The following TRPM2 variants were observed in gnomAD, a reference collection of about 807,000 sequenced individuals.
TRPM2 encodes the protein transient receptor potential cation channel subfamily M member 2.
In TRPM2, 161 loss-of-function variants were observed where a neutral mutation model predicts 174.0. The ratio of observed to expected loss-of-function variants is 0.93; its 90% CI spans 0.81 to 1.05. The LOEUF (loss-of-function observed/expected upper bound fraction) is 1.05, where lower values mean the gene tolerates loss of function less well. TRPM2 is among the 50% of genes least tolerant of loss of function. TRPM2 has a pLI of 0.00. For synonymous variants in TRPM2, 954 were observed against 861.3 expected (o/e 1.11, Z -1.88); for missense variants, 2,057 against 2,038.0 (o/e 1.01, Z -0.18).
In TRPM2 at chr21:44,382,752, C is replaced by T. The variant is rs2048918925; in HGVS notation, c.1250C>T (p.Thr417Ile). Residue 417 changes from threonine (T) to isoleucine (I), a missense_variant, in exon 9 of 32, where the codon ACT (threonine) becomes ATT (isoleucine). Thr to Ile is a moderately conservative substitution (Grantham distance 89). Transcript: ENST00000397928. The stretch of plus-strand genomic sequence containing the variant: ...ATCGTCCGGAGGCGGCAGCTGCTGA[C>T]TGTCTTCCGGGAAGGCAAGGATGGT... ...QDIVRRRQLL[T>I]VFREGKDGQQ... 2.5e-6 allele frequency: 4 copies of T among 1,614,108 alleles called. No individual in the cohort carries two copies. Among genetic ancestry groups the T allele is most frequent in the Non-Finnish European group, 3.4e-6 (4 of 1,180,030 alleles).
At chr21:44,378,884 G>A (rs373942614) in intron 7 of TRPM2, 113 bp from the exon 8 acceptor site, 47 of 1,155,910 alleles carry the variant, frequency 4.1e-5, no homozygotes, top group African/African-American at 2.3e-4. Context: ...AGTGGATCTC[G>A]GAGTAGTGTT....
chr21:44,412,362 C>G (rs1183230425), intron 19 of TRPM2, among the ~76,000 whole-genome samples: 1 of 152,114 alleles, frequency 6.6e-6, no homozygotes, highest in Admixed American at 6.6e-5. Context: ...TCATCTAGAT[C>G]ATCTAATTTT....
chr21:44,437,921 G>A (rs1442102375), intron 29 of TRPM2, among the ~76,000 whole-genome samples: 2 of 152,244 alleles, frequency 1.3e-5, no homozygotes, highest in African/African-American at 2.4e-5. Context: ...AGCCTGCCCC[G>A]CAGGGCCTCT....
At chr21:44,398,449 C>G (rs2049503459) in intron 13 of TRPM2, among the ~76,000 whole-genome samples, 1 of 152,140 alleles carries the variant, frequency 6.6e-6, no homozygotes, top group Admixed American at 6.6e-5. Context: ...GATCCGCCCA[C>G]CTCGGCCTCC....
intron 9 of TRPM2, among the ~76,000 whole-genome samples, chr21:44,387,531 G>A (rs1162356109): frequency 6.6e-6 from 1 of 151,926 alleles, no homozygotes; most frequent in Non-Finnish European, 1.5e-5. Context: ...GGAAACAAAA[G>A]AAAAAATAGA....
At chr21:44,440,554 G>T (rs1418523487) in intron 30 of TRPM2, among the ~76,000 whole-genome samples, 1 of 152,232 alleles carries the variant, frequency 6.6e-6, no homozygotes, top group African/African-American at 2.4e-5. Flanking sequence ...ACGTTTCCAA[G>T]GCGTTTCCAA....
Position 44,391,555 on chromosome 21 carries a change from C to T in TRPM2, c.1724C>T (p.Pro575Leu), listed in dbSNP as rs201044998. 65 of 1,597,410 alleles carry T rather than the reference C, an allele frequency of 4.1e-5. No individual in the cohort carries two copies. Among genetic ancestry groups the T allele is most frequent in the Middle Eastern group, 1.7e-4 (1 of 5,926 alleles). The change falls in exon 11 of 32, where the codon CCG (proline) becomes CTG (leucine). Residue 575 changes from proline (P) to leucine (L), a missense_variant. Physicochemically the swap from Pro to Leu is moderately conservative, Grantham distance 98. Transcript: ENST00000397928. The surrounding 1 kb of genome is among the most constrained non-coding windows in gnomAD (Gnocchi z 5.0). ...LRELLGDFTQ[P>L]LYPRPRHNDR... ...GAGCTGCTGGGGGACTTCACGCAGC[C>T]GCTTTATCCCCGGCCCCGGCACAAC...
intron 5 of TRPM2, among the ~76,000 whole-genome samples, chr21:44,371,705 A>G (rs1464941441): frequency 2.0e-5 from 3 of 152,218 alleles, no homozygotes; most frequent in Non-Finnish European, 2.9e-5. Context: ...CCAAACAAGG[A>G]AATGAGGAGC....
At chr21:44,387,145 C>T (rs1463061056) in intron 9 of TRPM2, among the ~76,000 whole-genome samples, 2 of 152,092 alleles carry the variant, frequency 1.3e-5, no homozygotes, top group African/African-American at 4.8e-5. Context: ...GTGATTGCAC[C>T]ACTGCACTCC....
intron 2 of TRPM2, among the ~76,000 whole-genome samples, chr21:44,355,305 G>A (rs1249309545): frequency 2.6e-5 from 4 of 152,130 alleles, no homozygotes; most frequent in South Asian, 2.1e-4. Flanking sequence ...ATGGCCCTCC[G>A]GAGCCGATGG....
At chr21:44,351,136 T>TGCTGG (rs1293119223), upstream of TRPM2, among the ~76,000 whole-genome samples, 3 of 152,140 alleles carry the variant, frequency 2.0e-5, no homozygotes, top group Non-Finnish European at 2.9e-5. Flanking sequence ...CCGGGGAATC[T>TGCTGG]GCTGGGCTGG....
In TRPM2 at chr21:44,438,647, C is replaced by G. The variant is rs895777301; in HGVS notation, c.4168-420C>G. Among the ~76,000 whole-genome samples, 51 of 151,754 alleles carry G rather than the reference C, an allele frequency of 3.4e-4. No individual in the cohort carries two copies. The highest frequency in any genetic ancestry group is 3.3e-3 in the Admixed American group (51 of 15,254). ...GAGCCCAGCCAGCCGCAGCACAGGC[C>G]GGGGTGGGACTGGGAGAGACGGGAA... On this transcript the variant is annotated intron_variant, in intron 29 of 31. Coordinates refer to ENST00000397928, the MANE Select transcript of TRPM2 (RefSeq NM_003307.4). This position sits in a 1 kb window ranked among gnomAD's most constrained non-coding sequence, Gnocchi z 5.9.
At chr21:44,353,605 C>G (rs1319781436), upstream of TRPM2, 1 of 1,351,954 alleles carries the variant, frequency 7.4e-7, no homozygotes, top group African/African-American at 1.5e-5. Flanking sequence ...TTTCAGCAAC[C>G]ACCCCATGTG....
intron 16 of TRPM2, 51 bp downstream of exon 16, chr21:44,401,948 C>G: frequency 6.2e-7 from 1 of 1,602,586 alleles, no homozygotes; most frequent in Non-Finnish European, 8.5e-7. Flanking sequence ...ACCCACTTGG[C>G]TGCATTCTCA....
At position 44,437,187 on chromosome 21, in the gene TRPM2, G is replaced by T. The variant is rs746526470; in HGVS notation, c.4167+20G>T. The T allele has an allele frequency of 6.5e-7, 1 of 1,545,068 alleles. No homozygotes were observed. Among genetic ancestry groups the T allele is most frequent in the East Asian group, 2.4e-5 (1 of 40,870 alleles). ...CCTGGGGTAAGGCTGCCGCGTGTGG[G>T]ACCTCTGTCCACTGGGCTGTCTGTG... On this transcript the variant is annotated intron_variant, in intron 29 of 31. Coordinates refer to ENST00000397928, the MANE Select transcript of TRPM2 (RefSeq NM_003307.4).
At position 44,421,005 on chromosome 21, in the gene TRPM2, G is replaced by A. The variant is rs141971926; in HGVS notation, c.3461+2450G>A. Among the ~76,000 whole-genome samples the A allele has an allele frequency of 3.3e-3, 505 of 152,306 alleles. 4 individuals carry two copies. The highest frequency in any genetic ancestry group is 0.011 in the African/African-American group (461 of 41,568). Reference sequence around the variant, plus strand: ...CAACTTTGCAGCCTCCTGCCTTAAGGGAGTGGGCTGGACCCCAAATGAATC... The same window carrying A: ...CAACTTTGCAGCCTCCTGCCTTAAGAGAGTGGGCTGGACCCCAAATGAATC... On this transcript the variant is annotated intron_variant, in intron 22 of 31. Coordinates refer to ENST00000397928, the MANE Select transcript of TRPM2 (RefSeq NM_003307.4).
chr21:44,418,899 G>A (rs952533322), intron 22 of TRPM2, among the ~76,000 whole-genome samples: 1 of 152,250 alleles, frequency 6.6e-6, no homozygotes, highest in African/African-American at 2.4e-5. Context: ...TTTGGGGGTG[G>A]TTTGCTCTGT....
chr21:44,404,152 GAC>G (rs1488024334), intron 16 of TRPM2, among the ~76,000 whole-genome samples: 1 of 150,040 alleles, frequency 6.7e-6, no homozygotes, highest in African/African-American at 2.5e-5. Flanking sequence ...CACACATACA[GAC>G]ACATACACAT....
At chr21:44,435,240 C>A (rs1484447467) in intron 28 of TRPM2, 23 bp downstream of exon 28, 7 of 1,606,938 alleles carry the variant, frequency 4.4e-6, no homozygotes, top group Non-Finnish European at 6.0e-6. Flanking sequence ...GTGCCGGGCA[C>A]CAGCACCTCA....
Sources: allele counts gnomAD v4.1 joint callset (sites outside exome capture counted in the v4.1 genomes callset), GRCh38; gene constraint gnomAD v4.1.1; non-coding constraint Gnocchi (gnomAD v3.1); transcripts MANE v1.5; gene names NCBI Gene and HGNC (gene_info 2026-07-23, HGNC 2026-07-21).